Variants in PEX19 observed in about 807,000 individuals in gnomAD.
The protein encoded by PEX19 is 33 kDa housekeeping protein.
Under a neutral mutation model 36.3 loss-of-function variants are expected in PEX19, and 29 were observed. That is an observed-to-expected ratio of 0.80 (90% confidence interval 0.60 to 1.09). The LOEUF (loss-of-function observed/expected upper bound fraction) is 1.09. Ranked by LOEUF, PEX19 falls within the 50% of genes least tolerant of loss-of-function variation. PEX19 has a pLI of 0.00. For synonymous variants in PEX19, 141 were observed against 135.2 expected (o/e 1.04, Z -0.30); for missense variants, 396 against 368.1 (o/e 1.08, Z -0.62).
In PEX19 at chr1:160,279,625, G is replaced by C. The variant is rs772405510; in HGVS notation, c.826C>G (p.Leu276Val). ...KELAGEMPPG[L>V]NFDLDALNLS... ...TTGAGGGCATCCAGGTCAAAGTTGA[G>C]GCCAGGAGGCTGGGGAAGAGATGAA... is the stretch of plus-strand genomic sequence containing the variant. Residue 276 changes from leucine (L) to valine (V), a missense_variant, in exon 8 of 8, where the codon CTC becomes GTC. Physicochemically the swap from Leu to Val is conservative, Grantham distance 32 (BLOSUM62 1). Coordinates refer to ENST00000368072, the MANE Select transcript of PEX19 (RefSeq NM_002857.4). The C allele has an allele frequency of 1.2e-6, 2 of 1,614,048 alleles. No individual in the cohort carries two copies. Among genetic ancestry groups the C allele is most frequent in the Non-Finnish European group, 1.7e-6 (2 of 1,179,870 alleles).
intron 1 of PEX19, among the ~76,000 whole-genome samples, chr1:160,283,917 G>A (rs908237048): frequency 3.3e-5 from 5 of 152,170 alleles, no homozygotes; most frequent in African/African-American, 9.7e-5. Flanking sequence ...AAGTTCTGCA[G>A]AGACATCTCC....
rs781279949 is a variant in PEX19, at chr1:160,278,763, A to G, written c.*788T>C. On this transcript the variant is annotated 3_prime_UTR_variant, in exon 8 of 8. Transcript: ENST00000368072. ...AATAGGATGGGCCCTTCTTTATCAC[A>G]GCTTGAGCTCAAAAAGGTTGGGATA... 2 of 454,106 alleles carry G rather than the reference A, an allele frequency of 4.4e-6. No homozygotes were observed. The highest frequency in any genetic ancestry group is 1.4e-4 in the East Asian group (2 of 14,404). The allele number at this position is 454,106 out of a possible 1,614,324, so 28.1% of individuals were successfully genotyped here. A position where few individuals can be genotyped will look rare whatever the true frequency, so the allele number is the denominator to read the frequency against.
In PEX19 at chr1:160,282,209, G is replaced by C. The variant is rs770190209; in HGVS notation, c.433-9C>G. On this transcript the variant is annotated splice_polypyrimidine_tract_variant and intron_variant, in intron 4 of 7. Transcript: ENST00000368072. ...TCCGACATGCTGGAGTTCTAGATAGGACAAGTAAGAGGTGAGCAGGTATAC... is the reference window on the plus strand; with the variant it reads ...TCCGACATGCTGGAGTTCTAGATAGCACAAGTAAGAGGTGAGCAGGTATAC... The C allele has an allele frequency of 6.2e-7, 1 of 1,613,800 alleles. No individual in the cohort carries two copies. The highest frequency in any genetic ancestry group is 8.5e-7 in the Non-Finnish European group (1 of 1,179,948).
intron 1 of PEX19, among the ~76,000 whole-genome samples, chr1:160,284,603 G>A (rs1397797745): frequency 6.6e-6 from 1 of 152,180 alleles, no homozygotes; most frequent in African/African-American, 2.4e-5. Context: ...GGACTAGGAG[G>A]AGAAAAGTGT....
At chr1:160,283,730 G>A (rs1657884106) in intron 1 of PEX19, 91 bp from the exon 2 acceptor site, 3 of 1,073,306 alleles carry the variant, frequency 2.8e-6, no homozygotes. Flanking sequence ...TTAGGAATAT[G>A]ATTTTTCAAA....
intron 5 of PEX19, chr1:160,281,445 G>C (rs1345062452): frequency 6.2e-6 from 1 of 162,354 alleles, no homozygotes; most frequent in East Asian, 1.7e-4. Context: ...GTCTTGCTCT[G>C]TCACCCAGGC....
chr1:160,280,552 T>G (rs768152674), intron 5 of PEX19, among the ~76,000 whole-genome samples: 9 of 152,052 alleles, frequency 5.9e-5, no homozygotes, highest in Non-Finnish European at 1.2e-4. Context: ...AGTTTTACTC[T>G]GTCACCCAGG....
rs1405514130 is a variant in PEX19 at position 160,280,029 on chromosome 1, T to G, written c.771+41A>C. On this transcript the variant is annotated intron_variant, in intron 6 of 7. Transcript: ENST00000368072. ...CCAGATACTTCCTTCACTGAACACC[T>G]AAGTGGACAGCACCAGTGGGCAGAA... 3 of 1,586,512 alleles carry G rather than the reference T, an allele frequency of 1.9e-6. No individual in the cohort carries two copies. In the Admixed American group the frequency reaches 5.0e-5, roughly 26 times the overall value.
chr1:160,278,235 C>T lies in PEX19; in HGVS notation c.*1316G>A, dbSNP rs1657619052. ...AGAAAACATAACAATATATTACTAA[C>T]ATTAATAACAATAATGTAAAAGGTT... On this transcript the variant is annotated 3_prime_UTR_variant, in exon 8 of 8. Coordinates refer to ENST00000368072, the MANE Select transcript of PEX19 (RefSeq NM_002857.4). 1.4e-6 allele frequency: 1 copy of T among 701,148 alleles called. No homozygotes were observed. Among genetic ancestry groups the T allele is most frequent in the African/African-American group, 1.7e-5 (1 of 57,184 alleles). The allele number at this position is 701,148 out of a possible 1,614,324, so 43.4% of individuals were successfully genotyped here. A position where few individuals can be genotyped will look rare whatever the true frequency, so the allele number is the denominator to read the frequency against.
At chr1:160,283,162 C>A in intron 2 of PEX19, 53 bp from the exon 3 acceptor site, 1 of 1,594,134 alleles carries the variant, frequency 6.3e-7, no homozygotes. Flanking sequence ...TACACTGCAC[C>A]TGGCCTCTGA....
At chr1:160,284,963 C>T (rs1408805345) in intron 1 of PEX19, 92 bp downstream of exon 1, 6 of 981,474 alleles carry the variant, frequency 6.1e-6, no homozygotes, top group Non-Finnish European at 9.9e-6. Flanking sequence ...GAGAGCCTCT[C>T]CTGCCCGTCC....
chr1:160,282,675 C>T (rs1017955675), intron 3 of PEX19, among the ~76,000 whole-genome samples, 173 bp from the exon 4 acceptor site: 2 of 152,216 alleles, frequency 1.3e-5, no homozygotes, highest in African/African-American at 4.8e-5. Flanking sequence ...AGTACACGGA[C>T]TCTGCATCAG....
chr1:160,279,835 A>C lies in PEX19; in HGVS notation c.782T>G (p.Leu261Ter). 4 of 1,613,118 alleles carry C rather than the reference A, an allele frequency of 2.5e-6. No individual in the cohort carries two copies. Among genetic ancestry groups the C allele is most frequent in the Non-Finnish European group, 3.4e-6 (4 of 1,179,024 alleles). Reference protein sequence around the residue: ...VLDLMQQLQDLGHPPKELAGE... With the variant: ...VLDLMQQLQD Reference sequence around the variant, plus strand: ...AGCCAGCTCTTTTGGAGGATGGCCTAAATCTTGTAGCTAGAAAATAAGGAA... The same window carrying C: ...AGCCAGCTCTTTTGGAGGATGGCCTCAATCTTGTAGCTAGAAAATAAGGAA... Residue 261 changes from leucine to a stop codon, truncating the protein, a stop_gained, in exon 7 of 8, where the codon TTA becomes TGA. Transcript: ENST00000368072. LOFTEE classifies it high-confidence loss of function.
At chr1:160,280,606 T>G (rs531676168) in intron 5 of PEX19, among the ~76,000 whole-genome samples, 2 of 152,016 alleles carry the variant, frequency 1.3e-5, no homozygotes, top group East Asian at 3.9e-4. Flanking sequence ...AGCCTCGATC[T>G]CCCCAGGCTC....
chr1:160,282,336 C>G (rs1657805619), intron 4 of PEX19, 81 bp downstream of exon 4: 4 of 1,420,602 alleles, frequency 2.8e-6, no homozygotes, highest in Admixed American at 1.7e-5. Context: ...GGATGATACT[C>G]AAAGCATCTG....
intron 3 of PEX19, 55 bp downstream of exon 3, chr1:160,282,889 C>T: frequency 6.3e-7 from 1 of 1,577,572 alleles, no homozygotes; most frequent in Non-Finnish European, 8.7e-7. Flanking sequence ...TGTTTTCAGG[C>T]AACAAAGACT....
chr1:160,281,994 G>A (rs1657788105), intron 5 of PEX19, 45 bp downstream of exon 5: 7 of 1,545,942 alleles, frequency 4.5e-6, no homozygotes, highest in Non-Finnish European at 6.3e-6. Flanking sequence ...ATCAGTTGAT[G>A]TGATGGAAAA....
Position 160,277,116 on chromosome 1 carries a change from T to C in PEX19, c.*2435A>G, listed in dbSNP as rs759807446. 6.6e-6 allele frequency: 3 copies of C among 453,716 alleles called. No homozygotes were observed. The highest frequency in any genetic ancestry group is 4.7e-5 in the South Asian group (3 of 64,456). The allele number at this position is 453,716 out of a possible 1,614,324, so 28.1% of individuals were successfully genotyped here. A position where few individuals can be genotyped will look rare whatever the true frequency, so the allele number is the denominator to read the frequency against. On this transcript the variant is annotated 3_prime_UTR_variant, in exon 8 of 8. Transcript: ENST00000368072. Reference sequence around the variant, plus strand: ...AAGAGATACAGGTAGGTATCAGTTCTGCTAGGGTCTTCAGAGAGACCGAGG... The same window carrying C: ...AAGAGATACAGGTAGGTATCAGTTCCGCTAGGGTCTTCAGAGAGACCGAGG...
intron 5 of PEX19, among the ~76,000 whole-genome samples, chr1:160,281,031 G>A (rs1375537163): frequency 6.6e-6 from 1 of 152,148 alleles, no homozygotes; most frequent in Admixed American, 6.5e-5. Context: ...TCTTTAGCCA[G>A]GTGTGGTGGC....
Sources: gnomAD v4.1 joint callset for allele counts (sites outside exome capture counted in the v4.1 genomes callset) on GRCh38, gnomAD v4.1.1 for gene constraint, MANE v1.5 for transcripts, NCBI Gene and HGNC (gene_info 2026-07-23, HGNC 2026-07-21) for gene names.